Variants in CACNA1D observed in about 807,000 individuals in gnomAD.
CACNA1D encodes the protein voltage-dependent L-type calcium channel subunit alpha-1D.
CACNA1D carries 55 observed loss-of-function variants against 257.1 expected under a neutral mutation model. That is an observed-to-expected ratio of 0.21 (90% CI 0.17 to 0.27). The LOEUF (loss-of-function observed/expected upper bound fraction) is 0.27, where lower values mean the gene tolerates loss of function less well. CACNA1D is among the 10% of genes least tolerant of loss of function. The pLI is 1.00. For missense variants in CACNA1D, 1,876 were observed against 2,784.0 expected (o/e 0.67, Z 7.34); for synonymous variants, 980 against 1,014.9 (o/e 0.97, Z 0.65).
At chr3:53,779,407 ATGTGTGTG>A (rs139851282) in intron 37 of CACNA1D, among the ~76,000 whole-genome samples, 3 of 150,364 alleles carry the variant, frequency 2.0e-5, no homozygotes, top group South Asian at 2.1e-4. Context: ...ATATGTATGT[ATGTGTGTG>A]TGTGTGTGTG....
intron 19 of CACNA1D, among the ~76,000 whole-genome samples, chr3:53,734,020 A>G (rs77653591): frequency 0.21 from 1,360 of 6,340 alleles, 13 homozygotes; most frequent in African/African-American, 0.37. Context: ...GTGTGTGTAT[A>G]TATATATATA....
At chr3:53,687,532 T>A (rs200234636) in intron 8 of CACNA1D, among the ~76,000 whole-genome samples, 5 of 145,402 alleles carry the variant, frequency 3.4e-5, no homozygotes, top group Non-Finnish European at 4.5e-5. Flanking sequence ...AAAAAAAAAA[T>A]AAGCTGGAGA....
At chr3:53,545,928 A>G (rs1396829804) in intron 3 of CACNA1D, among the ~76,000 whole-genome samples, 1 of 152,160 alleles carries the variant, frequency 6.6e-6, no homozygotes, top group Non-Finnish European at 1.5e-5. Context: ...CCTTCTTATA[A>G]AGCAATTACA....
intron 3 of CACNA1D, among the ~76,000 whole-genome samples, chr3:53,622,069 A>G (rs2093702649): frequency 6.6e-6 from 1 of 151,378 alleles, no homozygotes; most frequent in African/African-American, 2.4e-5. Context: ...TTTTTTTGAG[A>G]CAGAGTCTCA....
At chr3:53,676,431 C>T (rs865912438) in intron 8 of CACNA1D, among the ~76,000 whole-genome samples, 54 of 152,302 alleles carry the variant, frequency 3.5e-4, no homozygotes, top group Middle Eastern at 3.4e-3. Flanking sequence ...AGAGGTACTG[C>T]AAAACCAGAA....
rs370458746 is a variant in CACNA1D at position 53,537,110 on chromosome 3, ATC to A, written c.483+35397_483+35398del. Among the ~76,000 whole-genome samples, 784 of 152,320 alleles carry A rather than the reference ATC, an allele frequency of 5.1e-3. 7 individuals carry two copies. Among genetic ancestry groups the A allele is most frequent in the African/African-American group, 0.018 (744 of 41,560 alleles). On this transcript the variant is annotated intron_variant, in intron 3 of 47. Transcript: ENST00000350061. ...ATTTCAAACAGTATAAGAAAGCAAA[ATC>A]TCTCTCCTACATTGTCCTTTATTCC...
intron 3 of CACNA1D, among the ~76,000 whole-genome samples, chr3:53,637,193 G>A (rs970081986): frequency 8.5e-5 from 13 of 152,210 alleles, no homozygotes; most frequent in Non-Finnish European, 1.6e-4. Flanking sequence ...TCTGAGGCAA[G>A]CCTCTTTGCT....
chr3:53,808,440 G>T, intron 45 of CACNA1D: 3 of 574,884 alleles, frequency 5.2e-6, no homozygotes, highest in East Asian at 3.1e-5. Flanking sequence ...TAGTAAGTTT[G>T]TACTTTAAAA....
intron 3 of CACNA1D, among the ~76,000 whole-genome samples, chr3:53,594,655 G>A (rs1052426679): frequency 2.0e-5 from 3 of 152,254 alleles, no homozygotes; most frequent in Non-Finnish European, 4.4e-5. Flanking sequence ...AAGATACAGA[G>A]GCTTCAAGGC....
intron 9 of CACNA1D, among the ~76,000 whole-genome samples, chr3:53,704,893 C>T (rs1452361208): frequency 6.6e-6 from 1 of 152,196 alleles, no homozygotes; most frequent in African/African-American, 2.4e-5. Flanking sequence ...GACAAGGTTT[C>T]GTGTTCTAGT....
At chr3:53,631,054 G>C (rs1195349168) in intron 3 of CACNA1D, among the ~76,000 whole-genome samples, 1 of 152,216 alleles carries the variant, frequency 6.6e-6, no homozygotes, top group African/African-American at 2.4e-5. Flanking sequence ...GTTGATGGCT[G>C]CTGACCGATC....
intron 37 of CACNA1D, among the ~76,000 whole-genome samples, chr3:53,777,857 C>T (rs527264651): frequency 2.6e-5 from 4 of 152,274 alleles, no homozygotes; most frequent in African/African-American, 7.2e-5. Flanking sequence ...TTTGTTGCAG[C>T]GACAAAAAAG....
At position 53,808,713 on chromosome 3, in the gene CACNA1D, G is replaced by A. The variant is rs776968811; in HGVS notation, c.5814G>A (p.Pro1938=). 34 of 1,609,172 alleles carry A rather than the reference G, an allele frequency of 2.1e-5. No individual in the cohort carries two copies. Among genetic ancestry groups the A allele is most frequent in the Admixed American group, 1.0e-4 (6 of 60,016 alleles). ...GGCAGAGCAGCCAGGAAGAGGTCCC[G>A]TCGTCTCCCATCTTCCCCCATCGCA... The part of the protein sequence containing the change: ...LRRQSSQEEV[P]SSPIFPHRTA... Residue 1938 remains proline, a synonymous_variant, in exon 46 of 48, where the codon CCG becomes CCA. Transcript: ENST00000350061.
At chr3:53,781,386 C>T (rs1246042811) in intron 38 of CACNA1D, among the ~76,000 whole-genome samples, 180 bp from the exon 39 acceptor site, 2 of 152,106 alleles carry the variant, frequency 1.3e-5, no homozygotes, top group East Asian at 1.9e-4. Flanking sequence ...AAGGCATGAT[C>T]GCTATTGCTG....
At chr3:53,566,726 C>T (rs557581353) in intron 3 of CACNA1D, among the ~76,000 whole-genome samples, 10 of 152,250 alleles carry the variant, frequency 6.6e-5, no homozygotes, top group Middle Eastern at 6.8e-3. Context: ...GGAGCAGGCC[C>T]GTGCCCCACC....
rs1365069006 is a variant in CACNA1D at position 53,748,997 on chromosome 3, A to G, written c.3315-271A>G. 5.2e-6 allele frequency: 3 copies of G among 575,732 alleles called. No individual in the cohort carries two copies. The South Asian group carries it at 5.5e-5, about 11-fold the overall frequency. The allele number at this position is 575,732 out of a possible 1,614,324, so 35.7% of individuals were successfully genotyped here. A position where few individuals can be genotyped will look rare whatever the true frequency, so the allele number is the denominator to read the frequency against. ...TATTCTTCCTCTCTGAATAGAAAGGAGTGTTTTAGGATATTTGTGAAATCT... is the reference window on the plus strand; with the variant it reads ...TATTCTTCCTCTCTGAATAGAAAGGGGTGTTTTAGGATATTTGTGAAATCT... On this transcript the variant is annotated intron_variant, in intron 26 of 47. Transcript: ENST00000350061.
At chr3:53,684,817 TTAC>T (rs1316978185) in intron 8 of CACNA1D, among the ~76,000 whole-genome samples, 3 of 152,144 alleles carry the variant, frequency 2.0e-5, no homozygotes, top group African/African-American at 7.2e-5. Context: ...TGTGATAAAG[TTAC>T]TACATTTTGA....
At chr3:53,598,431 A>G (rs2093398984) in intron 3 of CACNA1D, among the ~76,000 whole-genome samples, 1 of 151,672 alleles carries the variant, frequency 6.6e-6, no homozygotes, top group African/African-American at 2.4e-5. Context: ...AAAAAACCCA[A>G]AAATTAGTTT....
intron 3 of CACNA1D, among the ~76,000 whole-genome samples, chr3:53,562,658 C>T (rs544701959): frequency 6.6e-6 from 1 of 152,118 alleles, no homozygotes; most frequent in African/African-American, 2.4e-5. Flanking sequence ...AATGCCTCCC[C>T]CCCCAAATTC....
Sources: allele counts gnomAD v4.1 joint callset (sites outside exome capture counted in the v4.1 genomes callset), GRCh38; gene constraint gnomAD v4.1.1; transcripts MANE v1.5; gene names NCBI Gene and HGNC (gene_info 2026-07-23, HGNC 2026-07-21).